The following TTC28 variants were observed in gnomAD, a reference collection of about 807,000 sequenced individuals.
The protein encoded by TTC28 is tetratricopeptide repeat protein 28.
Under a neutral mutation model 198.0 loss-of-function variants are expected in TTC28, and 61 were observed. The observed-to-expected ratio is 0.31, with a 90% CI of 0.25 to 0.38. The LOEUF (loss-of-function observed/expected upper bound fraction) is 0.38, where lower values mean the gene tolerates loss of function less well. Ranked by LOEUF, TTC28 falls within the 10% of genes least tolerant of loss-of-function variation. The pLI, the probability that TTC28 is intolerant of heterozygous loss-of-function variation, is 1.00. For synonymous variants in TTC28, 1,171 were observed against 1,297.8 expected (o/e 0.90, Z 2.10); for missense variants, 2,678 against 3,164.0 (o/e 0.85, Z 3.69).
chr22:28,506,086 C>A (rs905574295), intron 2 of TTC28, among the ~76,000 whole-genome samples: 1 of 152,024 alleles, frequency 6.6e-6, no homozygotes, highest in African/African-American at 2.4e-5. Context: ...CTGGGCGGGA[C>A]CTTCCTGCGG....
At chr22:28,327,925 A>C (rs1388469427) in intron 2 of TTC28, among the ~76,000 whole-genome samples, 1 of 152,252 alleles carries the variant, frequency 6.6e-6, no homozygotes, top group Non-Finnish European at 1.5e-5. Context: ...TTAAACAACT[A>C]TGTGCCTGAC....
At chr22:28,227,086 G>A (rs149026038) in intron 5 of TTC28, among the ~76,000 whole-genome samples, 124 of 151,962 alleles carry the variant, frequency 8.2e-4, no homozygotes, top group African/African-American at 2.8e-3. Context: ...CTCCATGCTC[G>A]GCTAATTTTT....
chr22:28,345,590 T>A (rs1449835284), intron 2 of TTC28, among the ~76,000 whole-genome samples: 1 of 152,194 alleles, frequency 6.6e-6, no homozygotes, highest in Non-Finnish European at 1.5e-5. Context: ...TCAGTTTTAG[T>A]TGTTTTTATT....
chr22:28,598,990 G>A (rs1964236507), intron 2 of TTC28, among the ~76,000 whole-genome samples: 1 of 152,110 alleles, frequency 6.6e-6, no homozygotes, highest in Non-Finnish European at 1.5e-5. Flanking sequence ...ACAAGCACAG[G>A]CAAGATTCTT....
chr22:27,997,680 C>T (rs543628959), intron 16 of TTC28: 1 of 152,276 alleles, frequency 6.6e-6, no homozygotes, highest in Non-Finnish European at 1.5e-5. Flanking sequence ...ATTTTTGTAA[C>T]ACCCTGGGGA....
At chr22:28,155,053 C>A (rs574566585) in intron 6 of TTC28, among the ~76,000 whole-genome samples, 3 of 152,138 alleles carry the variant, frequency 2.0e-5, no homozygotes, top group African/African-American at 7.2e-5. Flanking sequence ...TGGATTCCCC[C>A]GACCCTCTGT....
At chr22:28,590,034 CAAAAAAAA>C (rs71194779) in intron 2 of TTC28, among the ~76,000 whole-genome samples, 11 of 68,052 alleles carry the variant, frequency 1.6e-4, no homozygotes, top group Admixed American at 7.3e-4. Flanking sequence ...AAGACTCCAT[CAAAAAAAA>C]AAAAAAAAAA....
chr22:28,133,760 C>A (rs907526436), intron 6 of TTC28, among the ~76,000 whole-genome samples: 2 of 152,214 alleles, frequency 1.3e-5, no homozygotes, highest in African/African-American at 4.8e-5. Context: ...GGCCTGCCTG[C>A]CTCTGTAGAC....
At chr22:28,081,493 A>ATTTTT (rs35534789) in intron 12 of TTC28, among the ~76,000 whole-genome samples, 16 of 125,536 alleles carry the variant, frequency 1.3e-4, no homozygotes, top group Non-Finnish European at 3.4e-5. Flanking sequence ...TGCCACCAGG[A>ATTTTT]TTTTTTTTTT....
intron 2 of TTC28, among the ~76,000 whole-genome samples, chr22:28,423,018 C>T (rs1320505810): frequency 6.6e-6 from 1 of 152,052 alleles, no homozygotes; most frequent in East Asian, 1.9e-4. Context: ...ATAATACATA[C>T]CATGTATCTG....
intron 5 of TTC28, among the ~76,000 whole-genome samples, chr22:28,248,703 T>C (rs886540635): frequency 7.2e-5 from 11 of 152,146 alleles, no homozygotes; most frequent in African/African-American, 2.4e-4. Flanking sequence ...TGTAAAACTA[T>C]AGGGCTAATC....
At chr22:28,035,649 A>G (rs949374217) in intron 12 of TTC28, among the ~76,000 whole-genome samples, 3 of 152,202 alleles carry the variant, frequency 2.0e-5, no homozygotes, top group Non-Finnish European at 4.4e-5. Flanking sequence ...CATTTTTCCC[A>G]GTAGCCACTT....
intron 2 of TTC28, among the ~76,000 whole-genome samples, chr22:28,531,890 T>C (rs140247226): frequency 0.024 from 3,583 of 152,270 alleles, 61 homozygotes; most frequent in Middle Eastern, 0.054. Flanking sequence ...TGCCAGAATC[T>C]CTGGGACACA....
intron 12 of TTC28, among the ~76,000 whole-genome samples, chr22:28,072,241 T>C (rs1438692116): frequency 1.3e-5 from 2 of 152,214 alleles, no homozygotes; most frequent in Non-Finnish European, 2.9e-5. Context: ...GTTGACCGTG[T>C]GTGCCAGAGA....
chr22:28,247,468 G>A (rs715517), intron 5 of TTC28, among the ~76,000 whole-genome samples: 118,062 of 152,160 alleles, frequency 0.78, 45,998 homozygotes, highest in South Asian at 0.85. Context: ...GGCACCCAAG[G>A]GTAGGTGAGA....
At chr22:28,130,953 G>A (rs747498232) in intron 6 of TTC28, among the ~76,000 whole-genome samples, 7 of 152,156 alleles carry the variant, frequency 4.6e-5, no homozygotes, top group Non-Finnish European at 8.8e-5. Context: ...GGAGCCAAAC[G>A]TCATTTCTGT....
At chr22:28,039,352 G>C (rs1280811084) in intron 12 of TTC28, among the ~76,000 whole-genome samples, 1 of 152,118 alleles carries the variant, frequency 6.6e-6, no homozygotes, top group East Asian at 1.9e-4. Flanking sequence ...AAAAAAGGAT[G>C]AGTTCATGTC....
chr22:28,193,521 T>C (rs917944874), intron 5 of TTC28, among the ~76,000 whole-genome samples: 1 of 152,170 alleles, frequency 6.6e-6, no homozygotes. Context: ...GACCCATCAG[T>C]GTGCTGTATT....
In TTC28 at chr22:27,982,968, T is replaced by C; in HGVS notation, c.6699A>G (p.Pro2233=). 4.5e-6 allele frequency: 7 copies of C among 1,551,646 alleles called. No homozygotes were observed. Among genetic ancestry groups the C allele is most frequent in the Non-Finnish European group, 6.1e-6 (7 of 1,146,988 alleles). The change falls in exon 23 of 23, where the codon CCA becomes CCG. Residue 2233 remains proline (P), a synonymous_variant. Transcript: ENST00000397906. The surrounding 1 kb of genome is among the most constrained non-coding windows in gnomAD (Gnocchi z 5.2). ...GGGAGGAGCTCCTGGCTGGGGGCTT[T>C]GGTTTAACAGTGACTGGTGATGGCT... ...KSQPSPVTVK[P]KPPARSSSLP...
Sources: gnomAD v4.1 joint callset for allele counts (sites outside exome capture counted in the v4.1 genomes callset) on GRCh38, gnomAD v4.1.1 for gene constraint, Gnocchi (gnomAD v3.1) non-coding constraint, MANE v1.5 for transcripts, NCBI Gene and HGNC (gene_info 2026-07-23, HGNC 2026-07-21) for gene names.